CLSTN1: variants seen among roughly 807,000 people sequenced by gnomAD.
The protein encoded by CLSTN1 is calsyntenin 1.
In CLSTN1, 28 loss-of-function variants were observed where a neutral mutation model predicts 108.3. The observed-to-expected ratio is 0.26, with a 90% confidence interval of 0.19 to 0.35. The LOEUF is 0.35. Ranked by LOEUF, CLSTN1 falls within the 10% of genes least tolerant of loss-of-function variation. The pLI, the probability that CLSTN1 is intolerant of heterozygous loss-of-function variation, is 1.00. For synonymous variants in CLSTN1, 524 were observed against 534.9 expected, an observed-to-expected ratio of 0.98 and a Z score of 0.28; for missense variants, 1,157 against 1,302.6, an observed-to-expected ratio of 0.89 and a Z score of 1.72.
Position 9,823,699 on chromosome 1 carries a change from G to C in CLSTN1, c.35C>G (p.Ala12Gly). ...CAGCCCGGCCAGCAGCAGCCGGGCG[G>C]CCGGGGCCAGCGCGGGAGCGGGGCG... The part of the protein sequence containing the change: ...LRRPAPALAP[A>G]ARLLLAGLLC... The change falls in exon 1 of 19, where the codon GCC becomes GGC. Residue 12 changes from alanine to glycine, a missense_variant. Ala to Gly is a moderately conservative substitution (Grantham distance 60). Transcript: ENST00000377298. This position sits in a 1 kb window ranked among gnomAD's most constrained non-coding sequence, Gnocchi z 6.3. 8.8e-7 allele frequency: 1 copy of C among 1,132,266 alleles called. No homozygotes were observed. Among genetic ancestry groups the C allele is most frequent in the Non-Finnish European group, 1.1e-6 (1 of 924,370 alleles). The allele number at this position is 1,132,266 out of a possible 1,614,324, so 70.1% of individuals were successfully genotyped here.
chr1:9,736,521 G>A (rs1258569370), intron 11 of CLSTN1, among the ~76,000 whole-genome samples: 2 of 152,140 alleles, frequency 1.3e-5, no homozygotes, highest in Non-Finnish European at 2.9e-5. Context: ...TGCATGGAAC[G>A]GCCTATTTCA....
intron 1 of CLSTN1, among the ~76,000 whole-genome samples, chr1:9,775,126 T>C (rs966278265): frequency 6.6e-6 from 1 of 152,146 alleles, no homozygotes; most frequent in East Asian, 1.9e-4. Flanking sequence ...TATGGCAACC[T>C]GTTTTATAAG....
intron 10 of CLSTN1, 137 bp downstream of exon 10, chr1:9,740,957 G>T: frequency 1.0e-6 from 1 of 956,968 alleles, no homozygotes; most frequent in Non-Finnish European, 1.6e-6. Context: ...CAAAAAGGCT[G>T]TACACAGGAA....
chr1:9,802,098 TTAAG>T (rs961819510), intron 1 of CLSTN1, among the ~76,000 whole-genome samples: 13 of 152,128 alleles, frequency 8.5e-5, no homozygotes, highest in African/African-American at 2.4e-4. Flanking sequence ...CATGTAGAGA[TTAAG>T]TAAGATGTCC....
intron 4 of CLSTN1, among the ~76,000 whole-genome samples, chr1:9,752,205 G>C (rs1651590047): frequency 6.6e-6 from 1 of 152,144 alleles, no homozygotes; most frequent in South Asian, 2.1e-4. Context: ...GGCATCACCT[G>C]GTCCTGATTC....
At chr1:9,786,580 T>C (rs1183450320) in intron 1 of CLSTN1, among the ~76,000 whole-genome samples, 1 of 142,236 alleles carries the variant, frequency 7.0e-6, no homozygotes, top group Non-Finnish European at 1.5e-5. Flanking sequence ...GAGGTGGAGG[T>C]TGCAGTGAGC....
At chr1:9,779,701 A>C (rs971275001) in intron 1 of CLSTN1, among the ~76,000 whole-genome samples, 2 of 152,188 alleles carry the variant, frequency 1.3e-5, no homozygotes, top group African/African-American at 4.8e-5. Flanking sequence ...TGCTGGGATT[A>C]CAAGTGTGAG....
intron 1 of CLSTN1, among the ~76,000 whole-genome samples, chr1:9,784,546 T>G (rs2101200603): frequency 6.6e-6 from 1 of 152,332 alleles, no homozygotes; most frequent in African/African-American, 2.4e-5. Flanking sequence ...GAGTGTGATG[T>G]GTGCCTCTTA....
At chr1:9,767,628 G>A (rs1347949987) in intron 2 of CLSTN1, among the ~76,000 whole-genome samples, 1 of 151,284 alleles carries the variant, frequency 6.6e-6, no homozygotes, top group South Asian at 2.1e-4. Context: ...CACACTGCAG[G>A]CACTCAATAA....
rs1286399687 is a variant in CLSTN1, at chr1:9,823,299, C to T, written c.91+344G>A. On this transcript the variant is annotated intron_variant, in intron 1 of 18. Transcript: ENST00000377298. The surrounding 1 kb of genome is among the most constrained non-coding windows in gnomAD (Gnocchi z 6.3). The stretch of plus-strand genomic sequence containing the variant: ...GGACTGACCCTTCGGCCCGTCTGCA[C>T]GTTCCCCCAAATCAGCGCAGCCACC... Among the ~76,000 whole-genome samples the T allele has an allele frequency of 6.6e-6, 1 of 152,224 alleles. No individual in the cohort carries two copies. The highest frequency in any genetic ancestry group is 2.4e-5 in the African/African-American group (1 of 41,474).
chr1:9,822,234 T>C (rs916467449), intron 1 of CLSTN1, among the ~76,000 whole-genome samples: 9 of 152,234 alleles, frequency 5.9e-5, no homozygotes, highest in African/African-American at 1.9e-4. Flanking sequence ...TAGCTTGATG[T>C]TACTTTTAAA....
At chr1:9,788,864 T>C (rs1331483793) in intron 1 of CLSTN1, among the ~76,000 whole-genome samples, 2 of 69,362 alleles carry the variant, frequency 2.9e-5, no homozygotes, top group South Asian at 6.8e-4. Flanking sequence ...CGAGACTCCG[T>C]CTCAAAAAAA....
chr1:9,801,044 C>T (rs1437595852), intron 1 of CLSTN1, among the ~76,000 whole-genome samples: 8 of 151,764 alleles, frequency 5.3e-5, no homozygotes, highest in East Asian at 1.9e-4. Flanking sequence ...ATCAGGAGTT[C>T]GAGACCACCC....
intron 17 of CLSTN1, among the ~76,000 whole-genome samples, 181 bp from the exon 18 acceptor site, chr1:9,731,571 CCTGCT>C (rs1316552365): frequency 1.3e-5 from 2 of 152,254 alleles, no homozygotes; most frequent in Non-Finnish European, 2.9e-5. Context: ...TCGGCCACGT[CCTGCT>C]CCATGGCTGC....
chr1:9,807,705 C>G (rs747848117), intron 1 of CLSTN1, among the ~76,000 whole-genome samples: 1 of 152,244 alleles, frequency 6.6e-6, no homozygotes, highest in African/African-American at 2.4e-5. Flanking sequence ...CCACCGCCCC[C>G]GGTTGTGGCT....
intron 1 of CLSTN1, among the ~76,000 whole-genome samples, chr1:9,814,292 G>C (rs1402781066): frequency 6.7e-6 from 1 of 149,010 alleles, no homozygotes; most frequent in Non-Finnish European, 1.5e-5. Context: ...TGTGTCTGTA[G>C]TTCCAGCTAT....
chr1:9,790,502 T>C (rs982185323), intron 1 of CLSTN1, among the ~76,000 whole-genome samples: 4 of 151,458 alleles, frequency 2.6e-5, no homozygotes, highest in Non-Finnish European at 5.9e-5. Flanking sequence ...TGTATCATTC[T>C]TCTTGCACAT....
At chr1:9,792,010 A>G (rs1043406767) in intron 1 of CLSTN1, among the ~76,000 whole-genome samples, 6 of 150,350 alleles carry the variant, frequency 4.0e-5, no homozygotes, top group African/African-American at 1.5e-4. Context: ...TTAGCTGGGC[A>G]TGGTGGCGGG....
rs1651754275 is a variant in CLSTN1 at position 9,755,243 on chromosome 1, G to T, written c.311C>A (p.Ser104Tyr). 2 of 1,614,016 alleles carry T rather than the reference G, an allele frequency of 1.2e-6. No individual in the cohort carries two copies. The highest frequency in any genetic ancestry group is 2.2e-5 in the East Asian group (1 of 44,876). ...VPFDAVVVDK[S>Y]TGEGVIRSKE... Reference sequence around the variant, plus strand: ...GGAGCGAATGACTCCCTCACCAGTGGATTTATCCACTACCACTGCATCAAA... The same window carrying T: ...GGAGCGAATGACTCCCTCACCAGTGTATTTATCCACTACCACTGCATCAAA... Residue 104 changes from serine (S) to tyrosine (Y), a missense_variant, in exon 4 of 19, where the codon TCC becomes TAC. Coordinates refer to ENST00000377298, the MANE Select transcript of CLSTN1 (RefSeq NM_001009566.3).
Sources: allele counts gnomAD v4.1 joint callset (sites outside exome capture counted in the v4.1 genomes callset), GRCh38; gene constraint gnomAD v4.1.1; non-coding constraint Gnocchi (gnomAD v3.1); transcripts MANE v1.5; gene names NCBI Gene and HGNC (gene_info 2026-07-23, HGNC 2026-07-21).